The following RASGRP2 variants were observed in gnomAD, a reference collection of about 807,000 sequenced individuals.
The protein encoded by RASGRP2 is RAS guanyl-releasing protein 2.
In RASGRP2, 44 loss-of-function variants were observed where a neutral mutation model predicts 71.0. The ratio of observed to expected loss-of-function variants is 0.62; its 90% confidence interval spans 0.49 to 0.80. The LOEUF is 0.80. RASGRP2 is among the 30% of genes least tolerant of loss of function. The pLI is 0.00. For missense variants in RASGRP2, 663 were observed against 813.4 expected (o/e 0.82, Z 2.25); for synonymous variants, 350 against 330.7 (o/e 1.06, Z -0.63).
chr11:64,729,837 A>C (rs2057702791), intron 13 of RASGRP2, 39 bp from the exon 14 acceptor site: 1 of 1,611,146 alleles, frequency 6.2e-7, no homozygotes, highest in Admixed American at 1.7e-5. Flanking sequence ...GGAGGGATTT[A>C]GAGGTGATGA....
chr11:64,733,830 C>G (rs903095959), intron 12 of RASGRP2, among the ~76,000 whole-genome samples: 1 of 148,180 alleles, frequency 6.7e-6, no homozygotes, highest in East Asian at 2.0e-4. Flanking sequence ...AAAGAGGGGA[C>G]TTTCATTTCT....
intron 12 of RASGRP2, among the ~76,000 whole-genome samples, chr11:64,731,234 T>C (rs1019247957): frequency 6.6e-6 from 1 of 151,786 alleles, no homozygotes; most frequent in Non-Finnish European, 1.5e-5. Context: ...CAGGCACCTA[T>C]AATCCCAGCT....
chr11:64,742,204 T>G lies in RASGRP2; in HGVS notation c.74-92A>C. On this transcript the variant is annotated intron_variant, in intron 2 of 16. Coordinates refer to ENST00000394432, the MANE Select transcript of RASGRP2 (RefSeq NM_001098671.2). This position sits in a 1 kb window ranked among gnomAD's most constrained non-coding sequence, Gnocchi z 4.7. The stretch of plus-strand genomic sequence containing the variant: ...CCGCAACCCGCCAGGTATCGGTCCT[T>G]CGGGTGCACGCTCGACCCCGCCCAC... The G allele has an allele frequency of 1.0e-6, 1 of 995,248 alleles. No homozygotes were observed. Among genetic ancestry groups the G allele is most frequent in the Non-Finnish European group, 1.6e-6 (1 of 640,778 alleles). The allele number at this position is 995,248 out of a possible 1,614,324, so 61.7% of individuals were successfully genotyped here. A position where few individuals can be genotyped will look rare whatever the true frequency, so the allele number is the denominator to read the frequency against.
Position 64,743,023 on chromosome 11 carries a change from G to T in RASGRP2, c.-71-86C>A. 4 of 1,399,934 alleles carry T rather than the reference G, an allele frequency of 2.9e-6. No homozygotes were observed. Among genetic ancestry groups the T allele is most frequent in the Non-Finnish European group, 3.9e-6 (4 of 1,032,096 alleles). The allele number at this position is 1,399,934 out of a possible 1,614,324, so 86.7% of individuals were successfully genotyped here. On this transcript the variant is annotated intron_variant, in intron 1 of 16. Coordinates refer to ENST00000394432, the MANE Select transcript of RASGRP2 (RefSeq NM_001098671.2). This position sits in a 1 kb window ranked among gnomAD's most constrained non-coding sequence, Gnocchi z 4.9. ...GGCAGAAACGGGGCGGGGCGGGCAC[G>T]CCCCCTGCTGGACAGGGGCGGAGTT...
rs988645175 is a variant in RASGRP2, at chr11:64,742,470, C to G, written c.73+324G>C. The G allele has an allele frequency of 3.5e-6, 2 of 564,984 alleles. No individual in the cohort carries two copies. Among genetic ancestry groups the G allele is most frequent in the Non-Finnish European group, 3.2e-6 (1 of 314,890 alleles). The allele number at this position is 564,984 out of a possible 1,614,324, so 35.0% of individuals were successfully genotyped here. A position where few individuals can be genotyped will look rare whatever the true frequency, so the allele number is the denominator to read the frequency against. The stretch of plus-strand genomic sequence containing the variant: ...CACCAGATAAGCCGCCCCCCATTAG[C>G]CGGAAACAGCTCCCAGGCCGGAGAT... On this transcript the variant is annotated intron_variant, in intron 2 of 16. Transcript: ENST00000394432. The surrounding 1 kb of genome is among the most constrained non-coding windows in gnomAD (Gnocchi z 4.7).
Position 64,730,038 on chromosome 11 carries a change from G to A in RASGRP2, c.1554+15C>T, listed in dbSNP as rs1393727865. 1.3e-6 allele frequency: 2 copies of A among 1,549,434 alleles called. No homozygotes were observed. Among genetic ancestry groups the A allele is most frequent in the Admixed American group, 2.0e-5 (1 of 51,144 alleles). ...GGGCGTGGCTTGGGCCGTGAGCCGG[G>A]AAAGGGACTCTCACCAGGGCTTTGC... On this transcript the variant is annotated intron_variant, in intron 13 of 16. Coordinates refer to ENST00000394432, the MANE Select transcript of RASGRP2 (RefSeq NM_001098671.2).
chr11:64,730,265 C>A, intron 12 of RASGRP2, 71 bp from the exon 13 acceptor site: 1 of 1,538,528 alleles, frequency 6.5e-7, no homozygotes, highest in South Asian at 1.2e-5. Context: ...CTAACCCATC[C>A]CACTGTTCCC....
At position 64,738,495 on chromosome 11, in the gene RASGRP2, G is replaced by A. The variant is rs145294501; in HGVS notation, c.813+865C>T. Among the ~76,000 whole-genome samples, 1,252 of 152,108 alleles carry A rather than the reference G, an allele frequency of 8.2e-3. 11 individuals carry two copies. The highest frequency in any genetic ancestry group is 0.029 in the African/African-American group (1,193 of 41,458). The stretch of plus-strand genomic sequence containing the variant: ...TCTGTCGCCCAGGCTGGAGTGAAGT[G>A]GCACAATCTTGGCTCACTGCAACCT... On this transcript the variant is annotated intron_variant, in intron 8 of 16. Coordinates refer to ENST00000394432, the MANE Select transcript of RASGRP2 (RefSeq NM_001098671.2).
intron 8 of RASGRP2, among the ~76,000 whole-genome samples, chr11:64,738,752 T>C (rs1253719302): frequency 2.6e-5 from 4 of 152,210 alleles, no homozygotes; most frequent in African/African-American, 9.6e-5. Context: ...TATGTTTTTA[T>C]ATACTTTTCT....
Position 64,736,973 on chromosome 11 carries a change from C to T in RASGRP2, c.875G>A (p.Arg292Gln), listed in dbSNP as rs760536759. ...GCGGAAGCCCACACAGGCTGCCAGC[C>T]GACGCCGGTAGTTGCCATAGTTGCC... is the stretch of plus-strand genomic sequence containing the variant. ...ATGNYGNYRR[R>Q]LAACVGFRFP... Residue 292 changes from arginine to glutamine, a missense_variant, in exon 9 of 17, where the codon CGG becomes CAG. Transcript: ENST00000394432. 36 of 1,613,822 alleles carry T rather than the reference C, an allele frequency of 2.2e-5. No homozygotes were observed. In the South Asian group the frequency reaches 2.9e-4, roughly 13 times the overall value.
At chr11:64,730,473 G>C (rs1262489719) in intron 12 of RASGRP2, among the ~76,000 whole-genome samples, 1 of 152,230 alleles carries the variant, frequency 6.6e-6, no homozygotes, top group Non-Finnish European at 1.5e-5. Flanking sequence ...TAAAATGACT[G>C]TGTACTTTCC....
In RASGRP2 at chr11:64,735,919, G is replaced by A. The variant is rs114654732; in HGVS notation, c.1157C>T (p.Pro386Leu). 201 of 1,613,848 alleles carry A rather than the reference G, an allele frequency of 1.2e-4. 1 individual carries two copies. In the African/African-American group the frequency reaches 1.5e-3, roughly 12 times the overall value. ...CCCCCTCACCGAGGACTTGGAGCGC[G>A]GCTCCCGCTGCAGGGACAGCTGGTA... ...ELYQLSLQRE[P>L]RSKSSPTSPT... Residue 386 changes from proline to leucine, a missense_variant, in exon 10 of 17, where the codon CCG (proline) becomes CTG (leucine). Pro to Leu is a moderately conservative substitution (Grantham distance 98). Transcript: ENST00000394432. This position sits in a 1 kb window ranked among gnomAD's most constrained non-coding sequence, Gnocchi z 4.2.
In RASGRP2 at chr11:64,736,804, G is replaced by A. The variant is rs751062900; in HGVS notation, c.1044C>T (p.Thr348=). The A allele has an allele frequency of 9.3e-6, 15 of 1,609,696 alleles. 1 individual carries two copies. In the Admixed American group the frequency reaches 1.8e-4, roughly 20 times the overall value. ...FSILEELAMV[T]SLRPPVQANP... Reference sequence around the variant, plus strand: ...TGGCCTGTACTGGTGGCCGCAGGCTGGTCACCATGGCCAGCTCCTCCAGGA... The same window carrying A: ...TGGCCTGTACTGGTGGCCGCAGGCTAGTCACCATGGCCAGCTCCTCCAGGA... The change falls in exon 9 of 17, where the codon ACC becomes ACT. Residue 348 remains threonine (T), a synonymous_variant. Transcript: ENST00000394432.
At chr11:64,736,518 G>A (rs541097523) in intron 9 of RASGRP2, among the ~76,000 whole-genome samples, 2 of 152,264 alleles carry the variant, frequency 1.3e-5, no homozygotes, top group Admixed American at 1.3e-4. Flanking sequence ...CCGGGACCCA[G>A]GCCCAGTTCA....
intron 3 of RASGRP2, 180 bp from the exon 4 acceptor site, chr11:64,741,681 G>A (rs1287940072): frequency 2.8e-6 from 2 of 708,676 alleles, no homozygotes; most frequent in Non-Finnish European, 5.1e-6. Flanking sequence ...GGAGGACTAG[G>A]TGCTGAGGGA....
At chr11:64,744,958 G>A (rs976707097), upstream of RASGRP2, 14 of 149,496 alleles carry the variant, frequency 9.4e-5, no homozygotes, top group Non-Finnish European at 2.1e-4. Flanking sequence ...CCCCACCGGG[G>A]GCTCCCTCTC....
At chr11:64,731,982 T>A (rs1159881303) in intron 12 of RASGRP2, among the ~76,000 whole-genome samples, 1 of 152,140 alleles carries the variant, frequency 6.6e-6, no homozygotes, top group South Asian at 2.1e-4. Context: ...TAAAAGGACG[T>A]TCATGGCAGC....
chr11:64,729,817 C>T lies in RASGRP2; in HGVS notation c.1555-19G>A, dbSNP rs778955810. ...CCAGGATCTGCAATAGAGGAGGGGC[C>T]GTGGTGGGAGGAGGGATTTAGAGGT... On this transcript the variant is annotated intron_variant, in intron 13 of 16. Coordinates refer to ENST00000394432, the MANE Select transcript of RASGRP2 (RefSeq NM_001098671.2). The T allele has an allele frequency of 1.9e-6, 3 of 1,613,762 alleles. No homozygotes were observed. The South Asian group carries it at 3.3e-5, about 18-fold the overall frequency.
chr11:64,733,884 C>T (rs536997527), intron 12 of RASGRP2, among the ~76,000 whole-genome samples: 3 of 145,348 alleles, frequency 2.1e-5, no homozygotes, highest in Non-Finnish European at 3.0e-5. Flanking sequence ...GGTGATCTCG[C>T]GCAGTCACCC....
Sources: allele counts gnomAD v4.1 joint callset (sites outside exome capture counted in the v4.1 genomes callset), GRCh38; gene constraint gnomAD v4.1.1; non-coding constraint Gnocchi (gnomAD v3.1); transcripts MANE v1.5; gene names NCBI Gene and HGNC (gene_info 2026-07-23, HGNC 2026-07-21).